The following SLF2 variants were observed in gnomAD, a reference collection of about 807,000 sequenced individuals.
SLF2 encodes SMC5-SMC6 complex localization factor protein 2.
SLF2 carries 68 observed loss-of-function variants against 124.3 expected under a neutral mutation model. That is an observed-to-expected ratio of 0.55 (90% CI 0.45 to 0.67). The LOEUF is 0.67. Among genes scored for constraint, SLF2 ranks in the 30% least tolerant of loss-of-function variants. The pLI, the probability that SLF2 is intolerant of heterozygous loss-of-function variation, is 0.00. For missense variants in SLF2, 1,246 were observed against 1,373.7 expected (o/e 0.91, Z 1.47); for synonymous variants, 480 against 478.8 (o/e 1.00, Z -0.03).
At chr10:100,939,874 T>A (rs1403657513) in intron 11 of SLF2, among the ~76,000 whole-genome samples, 1 of 152,222 alleles carries the variant, frequency 6.6e-6, no homozygotes, top group Non-Finnish European at 1.5e-5. Flanking sequence ...ATTCTCTTTC[T>A]ACTCCATATA....
chr10:100,951,952 A>G (rs1404959381), intron 17 of SLF2, among the ~76,000 whole-genome samples: 1 of 152,174 alleles, frequency 6.6e-6, no homozygotes, highest in Non-Finnish European at 1.5e-5. Flanking sequence ...TTTAAAACTT[A>G]GGTCGGACAT....
In SLF2 at chr10:100,945,384, A is replaced by G; in HGVS notation, c.2812A>G (p.Met938Val). Residue 938 changes from methionine to valine, a missense_variant, in exon 13 of 20, where the codon ATG becomes GTG. Around this residue, in one of 3 missense-constraint regions of SLF2, gnomAD observed 535 missense variants for 632.8 expected, o/e 0.85. Transcript: ENST00000238961. The part of the protein sequence containing the change: ...HPEGYQDREI[M>V]LLILMLFKMS... ...AGAAGGTTACCAGGATCGTGAAATA[A>G]TGTTGCTGATTTTAATGTTATTTAA... is the stretch of plus-strand genomic sequence containing the variant. The G allele has an allele frequency of 1.2e-6, 2 of 1,603,344 alleles. No individual in the cohort carries two copies. Among genetic ancestry groups the G allele is most frequent in the Non-Finnish European group, 1.7e-6 (2 of 1,177,646 alleles).
At chr10:100,936,621 A>G (rs1849865870) in intron 9 of SLF2, among the ~76,000 whole-genome samples, 1 of 151,922 alleles carries the variant, frequency 6.6e-6, no homozygotes, top group Non-Finnish European at 1.5e-5. Flanking sequence ...AGGCTGAGCC[A>G]CCGCGTCCAG....
intron 8 of SLF2, among the ~76,000 whole-genome samples, chr10:100,930,580 G>A (rs561114481): frequency 1.7e-4 from 26 of 152,200 alleles, no homozygotes; most frequent in Non-Finnish European, 3.4e-4. Context: ...ATGCTGGGAT[G>A]TGCAACTAGT....
At chr10:100,942,670 C>T (rs1210419986) in intron 11 of SLF2, among the ~76,000 whole-genome samples, 2 of 152,294 alleles carry the variant, frequency 1.3e-5, no homozygotes, top group African/African-American at 2.4e-5. Context: ...AGGCACCCGC[C>T]ACCACGCCAG....
At chr10:100,945,865 GT>G (rs1850095266) in intron 13 of SLF2, among the ~76,000 whole-genome samples, 1 of 152,196 alleles carries the variant, frequency 6.6e-6, no homozygotes, top group South Asian at 2.1e-4. Context: ...ATCATGTCAG[GT>G]AGTAGTTAAG....
Position 100,929,455 on chromosome 10 carries a change from T to C in SLF2, c.2165+16T>C. On this transcript the variant is annotated intron_variant, in intron 7 of 19. Transcript: ENST00000238961. ...AAGAGCACAAGTATAGCATTTTTCA[T>C]AATGTATTTTACCTTATTAAAGTTT... 1 of 1,573,448 alleles carries C rather than the reference T, an allele frequency of 6.4e-7. No individual in the cohort carries two copies. The highest frequency in any genetic ancestry group is 8.6e-7 in the Non-Finnish European group (1 of 1,163,898).
At chr10:100,915,778 C>T (rs1027619978) in intron 1 of SLF2, among the ~76,000 whole-genome samples, 4 of 151,978 alleles carry the variant, frequency 2.6e-5, no homozygotes, top group Admixed American at 2.6e-4. Context: ...TAATATAAAC[C>T]TCAGTTGTAT....
At chr10:100,957,627 G>A (rs1196380679) in intron 18 of SLF2, among the ~76,000 whole-genome samples, 1 of 151,392 alleles carries the variant, frequency 6.6e-6, no homozygotes, top group Non-Finnish European at 1.5e-5. Flanking sequence ...CCAAAGAGCT[G>A]GGATTAGAGG....
Position 100,963,641 on chromosome 10 carries a change from C to T in SLF2, c.*1729C>T, listed in dbSNP as rs1031724873. On this transcript the variant is annotated 3_prime_UTR_variant, in exon 20 of 20. Transcript: ENST00000238961. The stretch of plus-strand genomic sequence containing the variant: ...TACATTATTTGTGTGTAATTTTATA[C>T]GTGTTCATATTTTTCTCATTTTGCA... 1.3e-5 allele frequency: 2 copies of T among 152,540 alleles called. No individual in the cohort carries two copies. Among genetic ancestry groups the T allele is most frequent in the African/African-American group, 4.8e-5 (2 of 41,412 alleles). 9.4% of individuals were successfully genotyped at this position (152,540 alleles called of 1,614,324 possible). A position where few individuals can be genotyped will look rare whatever the true frequency, so the allele number is the denominator to read the frequency against.
At chr10:100,914,920 A>G (rs772809479) in intron 1 of SLF2, among the ~76,000 whole-genome samples, 9 of 152,216 alleles carry the variant, frequency 5.9e-5, no homozygotes, top group Non-Finnish European at 8.8e-5. Flanking sequence ...ATGTTTAGGG[A>G]AATCAATAGT....
chr10:100,918,629 G>A (rs956914296), intron 4 of SLF2, among the ~76,000 whole-genome samples, 188 bp downstream of exon 4: 1 of 151,942 alleles, frequency 6.6e-6, no homozygotes, highest in South Asian at 2.1e-4. Context: ...TTATAATTTG[G>A]GTTTGTTTTT....
chr10:100,932,259 A>T (rs1849751930), intron 9 of SLF2, among the ~76,000 whole-genome samples: 1 of 49,952 alleles, frequency 2.0e-5, no homozygotes, highest in Non-Finnish European at 7.7e-5. Flanking sequence ...CATCTGTTTA[A>T]AAAAAAAAAA....
At chr10:100,951,567 G>A (rs1051109304) in intron 17 of SLF2, among the ~76,000 whole-genome samples, 8 of 152,202 alleles carry the variant, frequency 5.3e-5, no homozygotes, top group South Asian at 2.1e-4. Context: ...GGGATGAGCC[G>A]GGGGTTCAGA....
chr10:100,946,293 A>G (rs913032364), intron 13 of SLF2, among the ~76,000 whole-genome samples: 3 of 150,832 alleles, frequency 2.0e-5, no homozygotes, highest in Admixed American at 6.6e-5. Flanking sequence ...AAATTGATAC[A>G]CAATGGTAAT....
Position 100,961,936 on chromosome 10 carries a change from T to C in SLF2, c.*24T>C, listed in dbSNP as rs776725921. 1.3e-6 allele frequency: 2 copies of C among 1,598,746 alleles called. No homozygotes were observed. The highest frequency in any genetic ancestry group is 1.3e-5 in the African/African-American group (1 of 74,810). On this transcript the variant is annotated 3_prime_UTR_variant, in exon 20 of 20. Transcript: ENST00000238961. ...AATAGGAGTTGCAGCAGCAAAAATA[T>C]GAACCAAGAGAAATTCAATAAGAGC... is the stretch of plus-strand genomic sequence containing the variant.
chr10:100,959,119 C>T (rs1850382799), intron 18 of SLF2, among the ~76,000 whole-genome samples: 1 of 152,172 alleles, frequency 6.6e-6, no homozygotes, highest in Non-Finnish European at 1.5e-5. Flanking sequence ...GTTCAAAAGC[C>T]AGCGAGTTAA....
At chr10:100,948,065 G>A (rs1462933258) in intron 15 of SLF2, among the ~76,000 whole-genome samples, 1 of 152,076 alleles carries the variant, frequency 6.6e-6, no homozygotes, top group Non-Finnish European at 1.5e-5. Context: ...GGGTGGTTGT[G>A]GACAATCAGA....
chr10:100,944,296 C>G (rs1330366960), intron 12 of SLF2, among the ~76,000 whole-genome samples, 168 bp downstream of exon 12: 1 of 151,788 alleles, frequency 6.6e-6, no homozygotes, highest in Non-Finnish European at 1.5e-5. Context: ...GAGATCGAGA[C>G]CATCCTGGCT....
Sources: gnomAD v4.1 joint callset for allele counts (sites outside exome capture counted in the v4.1 genomes callset) on GRCh38, gnomAD v4.1.1 for gene constraint, gnomAD v4.1.1 regional missense constraint, MANE v1.5 for transcripts, NCBI Gene and HGNC (gene_info 2026-07-23, HGNC 2026-07-21) for gene names.